CCDC171: variants seen among roughly 807,000 people sequenced by gnomAD.
CCDC171 encodes coiled-coil domain containing 171.
In CCDC171, 177 loss-of-function variants were observed where a neutral mutation model predicts 168.2. That is an observed-to-expected ratio of 1.05 (90% CI 0.93 to 1.19). The LOEUF is 1.19. Ranked by LOEUF, CCDC171 falls within the 50% of genes most tolerant of loss-of-function variation. The pLI is 0.00. For missense variants in CCDC171, 1,991 were observed against 1,539.0 expected (o/e 1.29, Z -4.91); for synonymous variants, 687 against 540.8 (o/e 1.27, Z -3.75).
chr9:15,657,751 C>G (rs1386286117), intron 8 of CCDC171, among the ~76,000 whole-genome samples: 1 of 151,854 alleles, frequency 6.6e-6, no homozygotes, highest in Non-Finnish European at 1.5e-5. Flanking sequence ...CATAGAAGTA[C>G]AAAATACTGA....
intron 16 of CCDC171, among the ~76,000 whole-genome samples, chr9:15,736,204 T>G (rs1353907636): frequency 6.6e-6 from 1 of 152,236 alleles, no homozygotes; most frequent in East Asian, 1.9e-4. Flanking sequence ...ATGGACTGTT[T>G]TAGTACGTTT....
chr9:16,054,364 G>A lies in CCDC171; in HGVS notation n.90-6282G>A, dbSNP rs543423836. On this transcript the variant is annotated intron_variant and non_coding_transcript_variant, in intron 1 of 1. Transcript: ENST00000478913. The stretch of plus-strand genomic sequence containing the variant: ...GTCCAGAGATGGCACAAAGGCTTCC[G>A]CAGCTGCATGGAGTAGTCAGTGGGG... Among the ~76,000 whole-genome samples the A allele has an allele frequency of 6.6e-5, 10 of 152,288 alleles. No individual in the cohort carries two copies. The East Asian group carries it at 9.7e-4, about 15-fold the overall frequency.
At chr9:15,662,065 C>G (rs1261580905) in intron 8 of CCDC171, among the ~76,000 whole-genome samples, 1 of 152,042 alleles carries the variant, frequency 6.6e-6, no homozygotes, top group Admixed American at 6.6e-5. Context: ...TCACTTGAGG[C>G]CAGGAGTTCC....
chr9:15,661,903 A>G (rs768546147), intron 8 of CCDC171, among the ~76,000 whole-genome samples: 36 of 152,250 alleles, frequency 2.4e-4, no homozygotes, highest in Non-Finnish European at 4.3e-4. Flanking sequence ...TAACAAAGAA[A>G]AATAGAGTTT....
chr9:16,046,708 T>C (rs1004685748), intron 1 of CCDC171, among the ~76,000 whole-genome samples: 1 of 152,184 alleles, frequency 6.6e-6, no homozygotes, highest in African/African-American at 2.4e-5. Flanking sequence ...GGTTTCCCTT[T>C]CACTTGGCTC....
At chr9:15,790,857 C>G (rs1403460651) in intron 21 of CCDC171, among the ~76,000 whole-genome samples, 2 of 152,166 alleles carry the variant, frequency 1.3e-5, no homozygotes, top group East Asian at 3.8e-4. Flanking sequence ...ACAGGGAATC[C>G]TTTCCCCATT....
chr9:15,638,922 T>G lies in CCDC171; in HGVS notation c.822+15509T>G, dbSNP rs73644685. ...ATCATGGGAAATAAGCTTAACTCAATAAGAAAAGAGAAAAGAGAAGATGCA... is the reference window on the plus strand; with the variant it reads ...ATCATGGGAAATAAGCTTAACTCAAGAAGAAAAGAGAAAAGAGAAGATGCA... On this transcript the variant is annotated intron_variant, in intron 7 of 25. Coordinates refer to ENST00000380701, the MANE Select transcript of CCDC171 (RefSeq NM_173550.4). Among the ~76,000 whole-genome samples, 1,390 of 151,936 alleles carry G rather than the reference T, an allele frequency of 9.1e-3. 16 individuals are homozygous for G. The highest frequency in any genetic ancestry group is 0.031 in the African/African-American group (1,287 of 41,500).
At chr9:15,744,206 G>A (rs531042169) in intron 16 of CCDC171, 67 bp from the exon 17 acceptor site, 1 of 1,331,848 alleles carries the variant, frequency 7.5e-7, no homozygotes, top group Non-Finnish European at 1.0e-6. Context: ...TTTTCTTTGA[G>A]TAAAGGGAAA....
At chr9:15,846,627 G>A in intron 21 of CCDC171, 75 bp from the exon 22 acceptor site, 1 of 1,472,238 alleles carries the variant, frequency 6.8e-7, no homozygotes, top group Non-Finnish European at 9.4e-7. Flanking sequence ...ATTCTTCTTT[G>A]TTTAATAGCC....
chr9:15,725,249 GCTCCTAA>G (rs1209641179), intron 14 of CCDC171, among the ~76,000 whole-genome samples: 2 of 152,160 alleles, frequency 1.3e-5, no homozygotes, highest in African/African-American at 4.8e-5. Context: ...AAGTAACTAT[GCTCCTAA>G]CAGTCCTTTC....
chr9:15,798,347 C>CA (rs1489550749), intron 21 of CCDC171, among the ~76,000 whole-genome samples: 1 of 151,884 alleles, frequency 6.6e-6, no homozygotes, highest in East Asian at 1.9e-4. Context: ...TTGTTCATTT[C>CA]AAAAAACATA....
intron 7 of CCDC171, among the ~76,000 whole-genome samples, chr9:15,644,592 T>A (rs1181359110): frequency 6.6e-6 from 1 of 152,176 alleles, no homozygotes; most frequent in Non-Finnish European, 1.5e-5. Flanking sequence ...ACCAGGAGAT[T>A]ATATCCCGCA....
intron 11 of CCDC171, among the ~76,000 whole-genome samples, chr9:15,716,545 A>C (rs531188381): frequency 4.6e-5 from 7 of 151,992 alleles, no homozygotes; most frequent in African/African-American, 1.7e-4. Context: ...ATATTGTCTT[A>C]GTTCCTTTTG....
chr9:15,710,243 C>G (rs950738162), intron 11 of CCDC171, among the ~76,000 whole-genome samples: 1 of 152,040 alleles, frequency 6.6e-6, no homozygotes, highest in Non-Finnish European at 1.5e-5. Flanking sequence ...CAGAGAAGGT[C>G]TAGATATTAT....
At chr9:15,735,886 A>G (rs972426561) in intron 16 of CCDC171, among the ~76,000 whole-genome samples, 13 of 152,212 alleles carry the variant, frequency 8.5e-5, no homozygotes, top group Admixed American at 2.6e-4. Context: ...CTACTTTTCA[A>G]ATAATTGCTT....
At chr9:15,959,265 A>G (rs1189491096) in intron 25 of CCDC171, among the ~76,000 whole-genome samples, 1 of 152,096 alleles carries the variant, frequency 6.6e-6, no homozygotes, top group Non-Finnish European at 1.5e-5. Context: ...CTTTCCATCC[A>G]TTTCTATCTA....
chr9:15,989,040 C>T (rs911542943), intron 3 of CCDC171, among the ~76,000 whole-genome samples: 2 of 152,182 alleles, frequency 1.3e-5, no homozygotes, highest in African/African-American at 4.8e-5. Flanking sequence ...GAAACCTCTG[C>T]AGACTTAAAT....
intron 21 of CCDC171, among the ~76,000 whole-genome samples, chr9:15,789,765 C>T (rs149395805): frequency 0.013 from 1,622 of 126,572 alleles, 35 homozygotes; most frequent in African/African-American, 0.044. Flanking sequence ...CCCCACCCTA[C>T]GACAGTCCCC....
At chr9:15,929,877 G>A (rs1334972682) in intron 25 of CCDC171, among the ~76,000 whole-genome samples, 1 of 151,630 alleles carries the variant, frequency 6.6e-6, no homozygotes, top group African/African-American at 2.4e-5. Flanking sequence ...TAAAGTATGA[G>A]TTTTTTACCA....
Sources: gnomAD v4.1 joint callset for allele counts (sites outside exome capture counted in the v4.1 genomes callset) on GRCh38, gnomAD v4.1.1 for gene constraint, MANE v1.5 for transcripts, NCBI Gene and HGNC (gene_info 2026-07-23, HGNC 2026-07-21) for gene names.